The following TDRD15 variants were observed in gnomAD, a reference collection of about 807,000 sequenced individuals.
TDRD15 encodes the protein tudor domain containing 15, also known as tudor domain-containing protein 15.
For synonymous variants in TDRD15, 503 were observed against 314.5 expected, an observed-to-expected ratio of 1.60 and a Z score of -6.34; for missense variants, 1,416 against 904.7, an observed-to-expected ratio of 1.57 and a Z score of -7.25.
At chr2:21,129,214 T>C (rs61142046) in intron 2 of TDRD15, among the ~76,000 whole-genome samples, 4,045 of 152,314 alleles carry the variant, frequency 0.027, 136 homozygotes, top group East Asian at 0.14. Flanking sequence ...GTCCAAATTT[T>C]TGTGTGGATG....
downstream of TDRD15, among the ~76,000 whole-genome samples, chr2:21,144,648 C>T (rs1384037353): frequency 6.6e-6 from 1 of 151,816 alleles, no homozygotes; most frequent in African/African-American, 2.4e-5. Context: ...TGTATTATCT[C>T]ATTTAATGCT....
Position 21,129,325 on chromosome 2 carries a change from G to A in TDRD15, c.-90+1614G>A, listed in dbSNP as rs560968849. On this transcript the variant is annotated intron_variant, in intron 2 of 3. Transcript: ENST00000405799. ...TGAAAATGGCTGTACCGTTTTACAGGTGCAGATTGCAGGAGGGTTCTAATT... is the reference window on the plus strand; with the variant it reads ...TGAAAATGGCTGTACCGTTTTACAGATGCAGATTGCAGGAGGGTTCTAATT... Among the ~76,000 whole-genome samples, 282 of 152,282 alleles carry A rather than the reference G, an allele frequency of 1.9e-3. 2 individuals carry two copies. Among genetic ancestry groups the A allele is most frequent in the Non-Finnish European group, 3.5e-3 (240 of 68,028 alleles).
chr2:21,132,428 G>A (rs577214006), intron 2 of TDRD15, among the ~76,000 whole-genome samples: 11 of 152,098 alleles, frequency 7.2e-5, no homozygotes, highest in Non-Finnish European at 1.6e-4. Context: ...TAAAAGACTA[G>A]TGAGGAAGGT....
At position 21,140,356 on chromosome 2, in the gene TDRD15, T is replaced by A. The variant is rs1456066745; in HGVS notation, c.2889T>A (p.Ile963=). The A allele has an allele frequency of 4.2e-6, 3 of 706,396 alleles. No homozygotes were observed. Among genetic ancestry groups the A allele is most frequent in the Non-Finnish European group, 7.9e-6 (3 of 381,406 alleles). 43.8% of individuals were successfully genotyped at this position (706,396 alleles called of 1,614,324 possible). A position where few individuals can be genotyped will look rare whatever the true frequency, so the allele number is the denominator to read the frequency against. Residue 963 remains isoleucine (I), a synonymous_variant, in exon 4 of 4, where the codon ATT becomes ATA. Coordinates refer to ENST00000405799, the MANE Select transcript of TDRD15 (RefSeq NM_001306137.2). ...GTTATTCTTCCTTTAATATACAAAT[T>A]GGAAGTGAAGAAGAAGTATATATAT... ...SYCYSSFNIQ[I]GSEEEVYISH... is the part of the protein sequence containing the mutation.
chr2:21,124,020 C>A lies in TDRD15; in HGVS notation c.-227C>A, dbSNP rs949436597. 7 of 152,418 alleles carry A rather than the reference C, an allele frequency of 4.6e-5. No homozygotes were observed. The highest frequency in any genetic ancestry group is 1.4e-4 in the African/African-American group (6 of 41,470). The allele number at this position is 152,418 out of a possible 1,614,324, so 9.4% of individuals were successfully genotyped here. A position where few individuals can be genotyped will look rare whatever the true frequency, so the allele number is the denominator to read the frequency against. ...GGTATTTTTCCAGCTCTGGGAAGAG[C>A]GGCCTGACCCGCAGCAGAGATTCTT... On this transcript the variant is annotated 5_prime_UTR_variant, in exon 1 of 4. Transcript: ENST00000405799.
rs1665863327 is a variant in TDRD15, at chr2:21,138,785, T to A, written c.1318T>A (p.Ser440Thr). The part of the protein sequence containing the change: ...ISNILSETSV[S>T]DVNSFAVESF... ...CAATATCTTGAGTGAGACAAGTGTG[T>A]CTGATGTAAACAGCTTTGCAGTTGA... The change falls in exon 4 of 4, where the codon TCT (serine) becomes ACT (threonine). Residue 440 changes from serine (S) to threonine (T), a missense_variant. Transcript: ENST00000405799. The A allele has an allele frequency of 4.2e-6, 3 of 714,870 alleles. No homozygotes were observed. The highest frequency in any genetic ancestry group is 2.0e-5 in the Admixed American group (1 of 49,740). 44.3% of individuals were successfully genotyped at this position (714,870 alleles called of 1,614,324 possible).
rs955169656 is a variant in TDRD15 at position 21,137,821 on chromosome 2, G to A, written c.354G>A (p.Pro118=). Residue 118 remains proline (P), a synonymous_variant, in exon 4 of 4, where the codon CCG becomes CCA. Coordinates refer to ENST00000405799, the MANE Select transcript of TDRD15 (RefSeq NM_001306137.2). The stretch of plus-strand genomic sequence containing the variant: ...CCTGTGGCAATTTATTTGAGCTACC[G>A]CCACGGGTAGTATTTGGTATTTTTG... ...ASACGNLFEL[P]PRVVFGIFAN... 7.4e-5 allele frequency: 53 copies of A among 716,220 alleles called. No homozygotes were observed. The highest frequency in any genetic ancestry group is 1.0e-4 in the Non-Finnish European group (39 of 384,462). The allele number at this position is 716,220 out of a possible 1,614,324, so 44.4% of individuals were successfully genotyped here.
At chr2:21,136,627 GT>G (rs1665812810) in intron 3 of TDRD15, among the ~76,000 whole-genome samples, 1 of 152,014 alleles carries the variant, frequency 6.6e-6, no homozygotes, top group African/African-American at 2.4e-5. Flanking sequence ...TCAAGGAAGA[GT>G]TTAGCTGTAT....
At chr2:21,127,052 A>G (rs1335088373) in intron 1 of TDRD15, among the ~76,000 whole-genome samples, 4 of 152,132 alleles carry the variant, frequency 2.6e-5, no homozygotes, top group African/African-American at 9.7e-5. Flanking sequence ...TTTAATTTGC[A>G]TTTTCTTGAT....
rs972485853 is a variant in TDRD15, at chr2:21,137,762, G to A, written c.295G>A (p.Glu99Lys). The A allele has an allele frequency of 2.2e-5, 16 of 716,532 alleles. No individual in the cohort carries two copies. Among genetic ancestry groups the A allele is most frequent in the Non-Finnish European group, 3.9e-5 (15 of 384,530 alleles). 44.4% of individuals were successfully genotyped at this position (716,532 alleles called of 1,614,324 possible). A position where few individuals can be genotyped will look rare whatever the true frequency, so the allele number is the denominator to read the frequency against. The change falls in exon 4 of 4, where the codon GAA becomes AAA. Residue 99 changes from glutamate (E) to lysine (K), a missense_variant. Physicochemically the swap from Glu to Lys is moderately conservative, Grantham distance 56. Coordinates refer to ENST00000405799, the MANE Select transcript of TDRD15 (RefSeq NM_001306137.2). ...YTVLLIDRGE[E>K]LRVAGPQIAS... ...AGTGCTCCTCATAGATCGCGGAGAA[G>A]AACTAAGAGTTGCTGGTCCACAGAT...
chr2:21,132,022 G>A (rs1435614476), intron 2 of TDRD15, among the ~76,000 whole-genome samples: 2 of 152,104 alleles, frequency 1.3e-5, no homozygotes, highest in South Asian at 2.1e-4. Flanking sequence ...AGTAGTCAGG[G>A]AATGCGTCAC....
In TDRD15 at chr2:21,143,452, G is replaced by C. The variant is rs3791983; in HGVS notation, c.*180G>C. ...AAGATCACATTCTAGAAATTTAACA[G>C]TGAGAAAGAAAGTTGGTAGTGGAAA... On this transcript the variant is annotated 3_prime_UTR_variant, in exon 4 of 4. Transcript: ENST00000405799. Among the ~76,000 whole-genome samples, 12,266 of 151,600 alleles carry C rather than the reference G, an allele frequency of 0.081. 661 individuals carry two copies. Among genetic ancestry groups the C allele is most frequent in the East Asian group, 0.16 (822 of 5,166 alleles).
rs1665970572 is a variant in TDRD15, at chr2:21,143,160, A to G, written c.5693A>G (p.Glu1898Gly). 3 of 708,500 alleles carry G rather than the reference A, an allele frequency of 4.2e-6. No homozygotes were observed. Among genetic ancestry groups the G allele is most frequent in the African/African-American group, 3.5e-5 (2 of 56,822 alleles). 43.9% of individuals were successfully genotyped at this position (708,500 alleles called of 1,614,324 possible). Residue 1898 changes from glutamate (E) to glycine (G), a missense_variant, in exon 4 of 4, where the codon GAG (glutamate) becomes GGG (glycine). Glu to Gly is a moderately conservative substitution (Grantham distance 98). Transcript: ENST00000405799. ...AAACTGAAAGTAGATGTCATTCATG[A>G]GAAAAACAATTTGGCAGATATATTA... ...ETKLKVDVIHEKNNLADILVA... is the reference protein window; with the variant it reads ...ETKLKVDVIHGKNNLADILVA...
chr2:21,136,845 T>G (rs1665816818), intron 3 of TDRD15, among the ~76,000 whole-genome samples: 1 of 152,068 alleles, frequency 6.6e-6, no homozygotes, highest in Non-Finnish European at 1.5e-5. Flanking sequence ...TACTTCAGTG[T>G]CTTTCTATGC....
chr2:21,133,680 A>G (rs1396083119), intron 2 of TDRD15, among the ~76,000 whole-genome samples: 1 of 152,178 alleles, frequency 6.6e-6, no homozygotes, highest in African/African-American at 2.4e-5. Context: ...AGTTATTAAT[A>G]CAAGGAACTA....
Position 21,141,627 on chromosome 2 carries a change from A to G in TDRD15, c.4160A>G (p.Asn1387Ser), listed in dbSNP as rs1337805678. ...GACTATGGTAACTCTGCAATAGTAA[A>G]CACATCTAAAATTTACGAACTTCAG... is the stretch of plus-strand genomic sequence containing the variant. Reference protein sequence around the residue: ...FIDYGNSAIVNTSKIYELQRE... With the variant: ...FIDYGNSAIVSTSKIYELQRE... Residue 1387 changes from asparagine to serine, a missense_variant, in exon 4 of 4, where the codon AAC (asparagine) becomes AGC (serine). By Grantham distance (46) the Asn-to-Ser change is conservative. Coordinates refer to ENST00000405799, the MANE Select transcript of TDRD15 (RefSeq NM_001306137.2). 1 of 714,142 alleles carries G rather than the reference A, an allele frequency of 1.4e-6. No homozygotes were observed. The highest frequency in any genetic ancestry group is 2.0e-5 in the Admixed American group (1 of 49,618). 44.2% of individuals were successfully genotyped at this position (714,142 alleles called of 1,614,324 possible). A position where few individuals can be genotyped will look rare whatever the true frequency, so the allele number is the denominator to read the frequency against.
chr2:21,134,458 G>A (rs1020364002), intron 2 of TDRD15, among the ~76,000 whole-genome samples: 1 of 151,828 alleles, frequency 6.6e-6, no homozygotes, highest in Non-Finnish European at 1.5e-5. Flanking sequence ...TATGATTTTG[G>A]AAGCAGGTAG....
In TDRD15 at chr2:21,143,074, TC is replaced by T. The variant is rs1665968384; in HGVS notation, c.5608del (p.Arg1870GlufsTer4). On this transcript the variant is annotated frameshift_variant, in exon 4 of 4. Coordinates refer to ENST00000405799, the MANE Select transcript of TDRD15 (RefSeq NM_001306137.2). LOFTEE classifies it low-confidence loss of function (END_TRUNC). ...HWSEEAKIFF[R>X]DFLSKPDLVF... ...GGAGTGAAGAAGCCAAAATCTTTTT[TC>T]GAGATTTCCTAAGTAAACCAGACTT... is the stretch of plus-strand genomic sequence containing the variant. 1.4e-6 allele frequency: 1 copy of T among 690,776 alleles called. No individual in the cohort carries two copies. Among genetic ancestry groups the T allele is most frequent in the Non-Finnish European group, 2.7e-6 (1 of 375,842 alleles). 42.8% of individuals were successfully genotyped at this position (690,776 alleles called of 1,614,324 possible). A position where few individuals can be genotyped will look rare whatever the true frequency, so the allele number is the denominator to read the frequency against.
chr2:21,137,757 GAGA>G lies in TDRD15; in HGVS notation c.295_297del (p.Glu99del). 1.4e-6 allele frequency: 1 copy of G among 716,614 alleles called. No homozygotes were observed. The highest frequency in any genetic ancestry group is 2.6e-6 in the Non-Finnish European group (1 of 384,524). The allele number at this position is 716,614 out of a possible 1,614,324, so 44.4% of individuals were successfully genotyped here. On this transcript the variant is annotated inframe_deletion, in exon 4 of 4. Coordinates refer to ENST00000405799, the MANE Select transcript of TDRD15 (RefSeq NM_001306137.2). ...TATACAGTGCTCCTCATAGATCGCG[GAGA>G]AGAACTAAGAGTTGCTGGTCCACAG...
Sources: allele counts gnomAD v4.1 joint callset (sites outside exome capture counted in the v4.1 genomes callset), GRCh38; gene constraint gnomAD v4.1.1; transcripts MANE v1.5; gene names NCBI Gene and HGNC (gene_info 2026-07-23, HGNC 2026-07-21).